Variants in SLIT3 observed in about 807,000 individuals in gnomAD.
The protein encoded by SLIT3 is slit guidance ligand 3, also known as slit homolog 3 protein.
In SLIT3, 68 loss-of-function variants were observed where a neutral mutation model predicts 184.0. The ratio of observed to expected loss-of-function variants is 0.37; its 90% confidence interval spans 0.30 to 0.45. The LOEUF is 0.45. Ranked by LOEUF, SLIT3 falls within the 20% of genes least tolerant of loss-of-function variation. The pLI, the probability that SLIT3 is intolerant of heterozygous loss-of-function variation, is 1.00. For synonymous variants in SLIT3, 831 were observed against 828.6 expected, an observed-to-expected ratio of 1.00 and a Z score of -0.05; for missense variants, 1,707 against 2,026.0, an observed-to-expected ratio of 0.84 and a Z score of 3.02.
At chr5:168,911,291 G>A (rs111335943) in intron 4 of SLIT3, among the ~76,000 whole-genome samples, 2,508 of 152,254 alleles carry the variant, frequency 0.016, 34 homozygotes, top group Non-Finnish European at 0.028. Flanking sequence ...GGAGCTGCCG[G>A]TAGCTATCCT....
chr5:169,015,411 G>A (rs1351296956), intron 4 of SLIT3, among the ~76,000 whole-genome samples: 2 of 152,176 alleles, frequency 1.3e-5, no homozygotes, highest in Admixed American at 1.3e-4. Context: ...ACTCAGCAAT[G>A]ATGTTCCAAA....
intron 14 of SLIT3, among the ~76,000 whole-genome samples, chr5:168,765,494 T>C (rs988476184): frequency 6.6e-6 from 1 of 152,180 alleles, no homozygotes; most frequent in Non-Finnish European, 1.5e-5. Flanking sequence ...AAAAAGTTCG[T>C]TCCCCAGTCA....
chr5:168,935,007 G>A (rs1438678772), intron 4 of SLIT3, among the ~76,000 whole-genome samples: 3 of 149,558 alleles, frequency 2.0e-5, no homozygotes, highest in Admixed American at 6.7e-5. Context: ...GCATGGTGGC[G>A]TGCACCTGTA....
At chr5:168,809,870 T>C (rs966711746) in intron 8 of SLIT3, among the ~76,000 whole-genome samples, 3 of 152,238 alleles carry the variant, frequency 2.0e-5, no homozygotes, top group Admixed American at 6.5e-5. Context: ...GAGTTTTGAG[T>C]GCCTGGCCTC....
chr5:169,112,102 C>G (rs1282196720), intron 4 of SLIT3, among the ~76,000 whole-genome samples: 1 of 152,202 alleles, frequency 6.6e-6, no homozygotes, highest in Non-Finnish European at 1.5e-5. Flanking sequence ...GGGGAACGAA[C>G]AGTATTTTTG....
At chr5:168,940,442 G>T (rs1364307168) in intron 4 of SLIT3, among the ~76,000 whole-genome samples, 1 of 152,012 alleles carries the variant, frequency 6.6e-6, no homozygotes. Context: ...AAATGACATC[G>T]CTGAGAGCAA....
intron 4 of SLIT3, among the ~76,000 whole-genome samples, chr5:169,171,749 G>C (rs868430920): frequency 6.6e-6 from 1 of 152,182 alleles, no homozygotes; most frequent in Non-Finnish European, 1.5e-5. Context: ...CATCTACCTC[G>C]GAGGACTCAG....
At chr5:168,746,800 T>G (rs1440556679) in intron 20 of SLIT3, among the ~76,000 whole-genome samples, 2 of 55,364 alleles carry the variant, frequency 3.6e-5, no homozygotes, top group African/African-American at 7.2e-5. Context: ...GTGGTGTGGG[T>G]GTGGCGGTGT....
intron 5 of SLIT3, among the ~76,000 whole-genome samples, chr5:168,877,849 G>A (rs908375498): frequency 7.0e-6 from 1 of 143,670 alleles, no homozygotes; most frequent in African/African-American, 2.5e-5. Flanking sequence ...AGAAAGACAG[G>A]GCAAGGGGAC....
intron 1 of SLIT3, among the ~76,000 whole-genome samples, chr5:169,264,015 A>ATAC (rs1766304766): frequency 6.6e-6 from 1 of 151,208 alleles, no homozygotes; most frequent in African/African-American, 2.4e-5. Flanking sequence ...CAGTATTATC[A>ATAC]ATGTTTTCTG....
intron 1 of SLIT3, among the ~76,000 whole-genome samples, chr5:169,270,591 C>T (rs1766569102): frequency 6.6e-6 from 1 of 152,124 alleles, no homozygotes; most frequent in Admixed American, 6.5e-5. Flanking sequence ...GCCACTGAGA[C>T]TGAGAGACCC....
chr5:169,185,333 T>C (rs888649474), intron 4 of SLIT3, among the ~76,000 whole-genome samples: 1 of 152,160 alleles, frequency 6.6e-6, no homozygotes, highest in African/African-American at 2.4e-5. Flanking sequence ...TGAAAAAACG[T>C]GACCCCATGT....
chr5:169,030,251 T>A (rs1756978545), intron 4 of SLIT3: 1 of 152,268 alleles, frequency 6.6e-6, no homozygotes, highest in African/African-American at 2.4e-5. Context: ...TACTAATGCC[T>A]TGCATTGCTA....
chr5:169,231,835 T>C (rs1765014114), intron 3 of SLIT3, among the ~76,000 whole-genome samples: 1 of 152,190 alleles, frequency 6.6e-6, no homozygotes, highest in African/African-American at 2.4e-5. Flanking sequence ...ACACTTGATA[T>C]TGTAAGTTTT....
At chr5:168,799,283 G>A (rs1461144454) in intron 9 of SLIT3, among the ~76,000 whole-genome samples, 3 of 152,238 alleles carry the variant, frequency 2.0e-5, no homozygotes, top group African/African-American at 7.2e-5. Flanking sequence ...AGCAAAAACT[G>A]TCACATTTAG....
At chr5:168,751,961 A>G (rs7705705) in intron 18 of SLIT3, among the ~76,000 whole-genome samples, 90,011 of 151,996 alleles carry the variant, frequency 0.59, 27,484 homozygotes, top group African/African-American at 0.74. Context: ...GGAAGGTCTC[A>G]ATCTCTTGAC....
chr5:168,828,738 T>G (rs571345475), intron 6 of SLIT3, among the ~76,000 whole-genome samples: 1 of 151,548 alleles, frequency 6.6e-6, no homozygotes, highest in African/African-American at 2.4e-5. Flanking sequence ...GAAATGCATA[T>G]GCTCAAGCCC....
Position 169,009,428 on chromosome 5 carries a change from C to T in SLIT3, c.414-126092G>A, listed in dbSNP as rs138782062. Among the ~76,000 whole-genome samples, 573 of 152,324 alleles carry T rather than the reference C, an allele frequency of 3.8e-3. 8 individuals are homozygous for T. The highest frequency in any genetic ancestry group is 0.013 in the African/African-American group (550 of 41,568). ...GTTTGCAAACAGGCTCTTCCCTCCT[C>T]GCCGAAAAGCAAGCACGCTGTGTAG... is the stretch of plus-strand genomic sequence containing the variant. On this transcript the variant is annotated intron_variant, in intron 4 of 35. Coordinates refer to ENST00000519560, the MANE Select transcript of SLIT3 (RefSeq NM_003062.4).
At chr5:168,755,788 C>T (rs541001541) in intron 16 of SLIT3, among the ~76,000 whole-genome samples, 23 of 152,242 alleles carry the variant, frequency 1.5e-4, no homozygotes, top group African/African-American at 3.6e-4. Flanking sequence ...CCCTTCCCTC[C>T]GAGGCTGCAT....
Sources: gnomAD v4.1 joint callset for allele counts (sites outside exome capture counted in the v4.1 genomes callset) on GRCh38, gnomAD v4.1.1 for gene constraint, MANE v1.5 for transcripts, NCBI Gene and HGNC (gene_info 2026-07-23, HGNC 2026-07-21) for gene names.